Variants in CADM2 observed in about 807,000 individuals in gnomAD.
CADM2 encodes the protein immunoglobulin superfamily member 4D.
A neutral mutation model predicts 49.8 loss-of-function variants in CADM2; 12 were observed. The ratio of observed to expected loss-of-function variants is 0.24; its 90% CI spans 0.15 to 0.39. The LOEUF (loss-of-function observed/expected upper bound fraction) is 0.39, where lower values mean the gene tolerates loss of function less well. Ranked by LOEUF, CADM2 falls within the 10% of genes least tolerant of loss-of-function variation. CADM2 has a pLI of 1.00. For synonymous variants in CADM2, 214 were observed against 175.4 expected (o/e 1.22, Z -1.74); for missense variants, 378 against 492.3 (o/e 0.77, Z 2.20).
chr3:85,136,313 A>G (rs1294339041), intron 1 of CADM2, among the ~76,000 whole-genome samples: 1 of 150,346 alleles, frequency 6.7e-6, no homozygotes, highest in Non-Finnish European at 1.5e-5. Flanking sequence ...CTGATAATCT[A>G]GTAGCAATTA....
chr3:85,107,915 T>C (rs928617237), intron 1 of CADM2, among the ~76,000 whole-genome samples: 3 of 151,998 alleles, frequency 2.0e-5, no homozygotes, highest in Non-Finnish European at 2.9e-5. Flanking sequence ...TTGGCCAGGC[T>C]GGTCTCGAAC....
At position 85,840,382 on chromosome 3, in the gene CADM2, C is replaced by A. The variant is rs1371262439; in HGVS notation, c.238+38186C>A. Among the ~76,000 whole-genome samples, 3 of 151,846 alleles carry A rather than the reference C, an allele frequency of 2.0e-5. No individual in the cohort carries two copies. In the East Asian group the frequency reaches 5.8e-4, roughly 29 times the overall value. ...TGTGGTGTTCACCAAAAGCGGTCAC[C>A]TAAGACTTACAATACTAAATTGTGG... On this transcript the variant is annotated intron_variant, in intron 3 of 9. Coordinates refer to ENST00000383699, the MANE Select transcript of CADM2 (RefSeq NM_001167675.2).
chr3:85,986,172 A>G (rs1728086415), intron 8 of CADM2, among the ~76,000 whole-genome samples: 1 of 152,048 alleles, frequency 6.6e-6, no homozygotes, highest in African/African-American at 2.4e-5. Flanking sequence ...CTTAATTTTT[A>G]TTTGGTTTCA....
At chr3:85,599,617 C>G (rs1489074382) in intron 1 of CADM2, among the ~76,000 whole-genome samples, 1 of 151,676 alleles carries the variant, frequency 6.6e-6, no homozygotes, top group African/African-American at 2.4e-5. Context: ...TCTTACCGTG[C>G]CAATACCCAC....
intron 1 of CADM2, among the ~76,000 whole-genome samples, chr3:85,347,044 G>A (rs1464335710): frequency 1.3e-5 from 2 of 151,828 alleles, no homozygotes; most frequent in Non-Finnish European, 2.9e-5. Flanking sequence ...CCAACATGGC[G>A]AAATCCCGTC....
chr3:85,879,854 G>A (rs1712476782), intron 3 of CADM2, among the ~76,000 whole-genome samples: 1 of 152,132 alleles, frequency 6.6e-6, no homozygotes, highest in African/African-American at 2.4e-5. Context: ...GTGCATATGT[G>A]TAAGTGTGTG....
At chr3:86,012,684 A>C in intron 8 of CADM2, 2 of 1,284,636 alleles carry the variant, frequency 1.6e-6, no homozygotes, top group Admixed American at 1.7e-5. Flanking sequence ...AGGAGAGCTG[A>C]CTTAGAAGAT....
chr3:85,759,043 T>G (rs1242958689), intron 2 of CADM2, among the ~76,000 whole-genome samples: 1 of 152,074 alleles, frequency 6.6e-6, no homozygotes, highest in African/African-American at 2.4e-5. Flanking sequence ...GGTCCAGCTA[T>G]TATTTGGAAC....
chr3:85,091,951 T>A (rs2037613068), intron 1 of CADM2, among the ~76,000 whole-genome samples: 1 of 152,164 alleles, frequency 6.6e-6, no homozygotes, highest in South Asian at 2.1e-4. Flanking sequence ...AGCAATTGAA[T>A]AAATGATTGT....
chr3:85,532,388 TA>T (rs2061333682), intron 1 of CADM2, among the ~76,000 whole-genome samples: 2 of 152,200 alleles, frequency 1.3e-5, no homozygotes, highest in African/African-American at 4.8e-5. Context: ...AAATTTTTTT[TA>T]TCTTTTGTTC....
intron 1 of CADM2, among the ~76,000 whole-genome samples, chr3:85,461,415 A>T (rs2038238293): frequency 6.6e-6 from 1 of 152,208 alleles, no homozygotes; most frequent in Non-Finnish European, 1.5e-5. Context: ...ACAATTTCAC[A>T]TAACATACGC....
At chr3:85,698,067 A>T (rs542883937) in intron 1 of CADM2, among the ~76,000 whole-genome samples, 1 of 152,320 alleles carries the variant, frequency 6.6e-6, no homozygotes, top group South Asian at 2.1e-4. Context: ...GATCTCTCAT[A>T]GTCTAGTTGT....
intron 1 of CADM2, among the ~76,000 whole-genome samples, chr3:85,206,209 A>G (rs1027741950): frequency 6.6e-6 from 1 of 152,082 alleles, no homozygotes; most frequent in African/African-American, 2.4e-5. Flanking sequence ...CAAATCAGAA[A>G]CATAAGTATT....
At position 85,790,445 on chromosome 3, in the gene CADM2, AG is replaced by A. The variant is rs1364379973; in HGVS notation, c.89-11601del. Reference sequence around the variant, plus strand: ...TTCCCTGGTCTGCTATGAGCAGCCTAGAAAACTATTATCACATTCTGGAAAA... The same window carrying A: ...TTCCCTGGTCTGCTATGAGCAGCCTAAAAACTATTATCACATTCTGGAAAA... On this transcript the variant is annotated intron_variant, in intron 2 of 9. Transcript: ENST00000383699. Among the ~76,000 whole-genome samples the A allele has an allele frequency of 1.5e-4, 23 of 152,330 alleles. 1 individual carries two copies. Among genetic ancestry groups the A allele is most frequent in the South Asian group, 2.1e-4 (1 of 4,830 alleles).
intron 1 of CADM2, among the ~76,000 whole-genome samples, chr3:85,629,885 A>T (rs938072671): frequency 6.6e-6 from 1 of 152,016 alleles, no homozygotes; most frequent in East Asian, 1.9e-4. Context: ...TCATGTATAA[A>T]ATGAGAAAAT....
chr3:85,288,363 T>C (rs1232454154), intron 1 of CADM2, among the ~76,000 whole-genome samples: 1 of 152,102 alleles, frequency 6.6e-6, no homozygotes, highest in Non-Finnish European at 1.5e-5. Context: ...AATGCAATTT[T>C]CCTGTATTAT....
intron 1 of CADM2, among the ~76,000 whole-genome samples, chr3:85,379,394 A>AT (rs1033594636): frequency 2.0e-5 from 3 of 152,002 alleles, no homozygotes; most frequent in Non-Finnish European, 4.4e-5. Flanking sequence ...TTCTAAGTAA[A>AT]TAAAGAAAAA....
intron 2 of CADM2, among the ~76,000 whole-genome samples, chr3:85,784,341 C>A (rs1252183310): frequency 6.6e-6 from 1 of 151,962 alleles, no homozygotes; most frequent in African/African-American, 2.4e-5. Flanking sequence ...TGCTATGAAG[C>A]AATAAGGCTA....
At chr3:85,534,458 T>C (rs12629607) in intron 1 of CADM2, among the ~76,000 whole-genome samples, 107,040 of 152,120 alleles carry the variant, frequency 0.7, 38,079 homozygotes, top group East Asian at 0.93. Context: ...ATTCTAGAGA[T>C]GATGTTGGTA....
Sources: allele counts gnomAD v4.1 joint callset (sites outside exome capture counted in the v4.1 genomes callset), GRCh38; gene constraint gnomAD v4.1.1; transcripts MANE v1.5; gene names NCBI Gene and HGNC (gene_info 2026-07-23, HGNC 2026-07-21).